Variants in EARS2 observed in about 807,000 individuals in gnomAD.
The protein encoded by EARS2 is nondiscriminating glutamyl-tRNA synthetase EARS2, mitochondrial.
Under a neutral mutation model 54.1 loss-of-function variants are expected in EARS2, and 50 were observed. That is an observed-to-expected ratio of 0.92 (90% CI 0.74 to 1.17). EARS2 has a LOEUF of 1.17. EARS2 is among the 50% of genes most tolerant of loss of function. The pLI is 0.00. For synonymous variants in EARS2, 298 were observed against 281.0 expected, an observed-to-expected ratio of 1.06 and a Z score of -0.61; for missense variants, 673 against 675.0, an observed-to-expected ratio of 1.00 and a Z score of 0.03.
In EARS2 at chr16:23,525,097, G is replaced by A. The variant is rs756588949; in HGVS notation, c.1488+147C>T. 2.9e-6 allele frequency: 3 copies of A among 1,025,378 alleles called. No individual in the cohort carries two copies. In the East Asian group the frequency reaches 7.2e-5, roughly 25 times the overall value. 63.5% of individuals were successfully genotyped at this position (1,025,378 alleles called of 1,614,324 possible). Reference sequence around the variant, plus strand: ...TTGCACATAGTAGGTACTCAATAGTGTCTGTTGATTGACTAAATGAGGGGA... The same window carrying A: ...TTGCACATAGTAGGTACTCAATAGTATCTGTTGATTGACTAAATGAGGGGA... On this transcript the variant is annotated intron_variant, in intron 8 of 8. Coordinates refer to ENST00000449606, the MANE Select transcript of EARS2 (RefSeq NM_001083614.2).
intron 1 of EARS2, among the ~76,000 whole-genome samples, chr16:23,552,658 T>C (rs1336860290): frequency 1.3e-5 from 2 of 152,150 alleles, no homozygotes; most frequent in East Asian, 1.9e-4. Context: ...TCCAGCTACA[T>C]GTTTGTATTT....
intron 2 of EARS2, among the ~76,000 whole-genome samples, chr16:23,547,162 T>C (rs1012953184): frequency 6.6e-6 from 1 of 152,164 alleles, no homozygotes; most frequent in African/African-American, 2.4e-5. Context: ...GGTATAACCA[T>C]ATGATGAATA....
intron 7 of EARS2, among the ~76,000 whole-genome samples, chr16:23,526,002 TA>T (rs141107728): frequency 4.9e-5 from 7 of 142,394 alleles, no homozygotes; most frequent in Admixed American, 7.1e-5. Context: ...TGTTTCAAAA[TA>T]AAAAAAAAAA....
rs899083660 is a variant in EARS2 at position 23,539,716 on chromosome 16, A to C, written c.486-4356T>G. ...CAGGGCATGACTATAATTTAACAAA[A>C]AAAAAAAATCTGTTGGCCAGGCATG... On this transcript the variant is annotated intron_variant, in intron 3 of 8. Transcript: ENST00000449606. 3.3e-5 allele frequency among the ~76,000 whole-genome samples: 5 copies of C among 152,176 alleles called. No individual in the cohort carries two copies. The East Asian group carries it at 5.8e-4, about 18-fold the overall frequency.
Position 23,525,294 on chromosome 16 carries a change from T to A in EARS2, c.1438A>T (p.Lys480Ter). 6.2e-7 allele frequency: 1 copy of A among 1,614,166 alleles called. No homozygotes were observed. The highest frequency in any genetic ancestry group is 8.5e-7 in the Non-Finnish European group (1 of 1,180,022). ...KKLSEGLEGT[K>*]YSNVMKLLRM... Reference sequence around the variant, plus strand: ...AGGAGTTTCATCACATTACTGTACTTGGTGCCTTCCAGACCTTCTGATAGC... The same window carrying A: ...AGGAGTTTCATCACATTACTGTACTAGGTGCCTTCCAGACCTTCTGATAGC... The change falls in exon 8 of 9, where the codon AAG (lysine) becomes TAG (stop). Residue 480 changes from lysine (K) to a stop codon, truncating the protein, a stop_gained. Transcript: ENST00000449606. LOFTEE classifies it high-confidence loss of function.
chr16:23,548,231 CTCAATAAATAAA>C, intron 2 of EARS2, among the ~76,000 whole-genome samples: 1 of 56,326 alleles, frequency 1.8e-5, no homozygotes, highest in African/African-American at 5.5e-5. Context: ...GAGACTCCAT[CTCAATAAATAAA>C]TAAATAAATA....
At chr16:23,554,759 T>C (rs1345714187) in intron 1 of EARS2, among the ~76,000 whole-genome samples, 1 of 152,188 alleles carries the variant, frequency 6.6e-6, no homozygotes, top group Admixed American at 6.5e-5. Flanking sequence ...GGATTCAAAT[T>C]CTGCATCCAC....
At chr16:23,544,027 A>T (rs989056270) in intron 3 of EARS2, among the ~76,000 whole-genome samples, 1 of 152,202 alleles carries the variant, frequency 6.6e-6, no homozygotes, top group Non-Finnish European at 1.5e-5. Context: ...TCTGAAATCC[A>T]AAACACTTCT....
chr16:23,524,928 A>T (rs1371161898), intron 8 of EARS2: 3 of 544,676 alleles, frequency 5.5e-6, no homozygotes, highest in Non-Finnish European at 6.5e-6. Flanking sequence ...TACAGGTGTG[A>T]GCCACCGTGC....
At chr16:23,548,472 T>C (rs1183793955) in intron 2 of EARS2, among the ~76,000 whole-genome samples, 1 of 152,086 alleles carries the variant, frequency 6.6e-6, no homozygotes, top group East Asian at 1.9e-4. Flanking sequence ...ACCATCACCG[T>C]TGTTCATCAC....
chr16:23,532,136 A>C (rs1411346208), intron 5 of EARS2, among the ~76,000 whole-genome samples: 1 of 152,154 alleles, frequency 6.6e-6, no homozygotes, highest in African/African-American at 2.4e-5. Flanking sequence ...TTTGACTCAG[A>C]CATGTTAACT....
At chr16:23,544,447 TA>T (rs1273087960) in intron 3 of EARS2, 66 bp downstream of exon 3, 3 of 1,481,240 alleles carry the variant, frequency 2.0e-6, no homozygotes, top group Non-Finnish European at 2.8e-6. Flanking sequence ...GGGAATTTCT[TA>T]CGCAGCACAA....
At chr16:23,525,447 CAGA>C (rs1002683320) in intron 7 of EARS2, 68 bp from the exon 8 acceptor site, 171 of 1,522,882 alleles carry the variant, frequency 1.1e-4, no homozygotes, top group Non-Finnish European at 1.4e-4. Flanking sequence ...GGAAGGGCTT[CAGA>C]AGGTTATTGA....
chr16:23,554,998 A>T (rs1965752664), intron 1 of EARS2, among the ~76,000 whole-genome samples: 1 of 152,214 alleles, frequency 6.6e-6, no homozygotes, highest in Non-Finnish European at 1.5e-5. Flanking sequence ...CCTTTCCCAC[A>T]TGGGCTTTCC....
intron 2 of EARS2, among the ~76,000 whole-genome samples, chr16:23,549,185 A>T (rs1194996721): frequency 6.6e-6 from 1 of 152,180 alleles, no homozygotes; most frequent in Non-Finnish European, 1.5e-5. Context: ...AAGAGCTGAG[A>T]CAGTGCTGGG....
At chr16:23,553,051 TG>T in intron 1 of EARS2, 2 of 402,156 alleles carry the variant, frequency 5.0e-6, no homozygotes, top group Admixed American at 2.6e-5. Context: ...CACCTGAGCC[TG>T]GGGACGCTGA....
chr16:23,554,484 C>T (rs117685274), intron 1 of EARS2, among the ~76,000 whole-genome samples: 241 of 152,232 alleles, frequency 1.6e-3, no homozygotes, highest in Admixed American at 4.1e-3. Flanking sequence ...TACCTCTTAC[C>T]GTACCTTCTT....
At chr16:23,543,097 A>G (rs1030730271) in intron 3 of EARS2, among the ~76,000 whole-genome samples, 6 of 137,222 alleles carry the variant, frequency 4.4e-5, no homozygotes, top group African/African-American at 1.4e-4. Flanking sequence ...CCTGGGTAGC[A>G]GAGCAAGACT....
chr16:23,535,433 G>T, intron 3 of EARS2, 73 bp from the exon 4 acceptor site: 1 of 1,417,090 alleles, frequency 7.1e-7, no homozygotes, highest in Non-Finnish European at 9.7e-7. Context: ...CTCTGTCATA[G>T]CTGTGTGACC....
Sources: gnomAD v4.1 joint callset for allele counts (sites outside exome capture counted in the v4.1 genomes callset) on GRCh38, gnomAD v4.1.1 for gene constraint, MANE v1.5 for transcripts, NCBI Gene and HGNC (gene_info 2026-07-23, HGNC 2026-07-21) for gene names.